Variants in NOVA1 observed in about 807,000 individuals in gnomAD.
NOVA1 encodes the protein NOVA alternative splicing regulator 1, also known as RNA-binding protein Nova-1.
NOVA1 carries 7 observed loss-of-function variants against 38.0 expected under a neutral mutation model. The ratio of observed to expected loss-of-function variants is 0.18; its 90% CI spans 0.10 to 0.35. NOVA1 has a LOEUF of 0.35. Among genes scored for constraint, NOVA1 ranks in the 10% least tolerant of loss-of-function variants. The pLI is 1.00. For synonymous variants in NOVA1, 270 were observed against 232.5 expected (o/e 1.16, Z -1.47); for missense variants, 460 against 616.0 (o/e 0.75, Z 2.68).
In NOVA1 at chr14:26,443,283, T is replaced by TA. The variant is rs1000076989; in HGVS notation, c.*4675dup. 2 of 151,956 alleles carry TA rather than the reference T, an allele frequency of 1.3e-5. No individual in the cohort carries two copies. The highest frequency in any genetic ancestry group is 4.8e-5 in the African/African-American group (2 of 41,424). The allele number at this position is 151,956 out of a possible 1,614,324, so 9.4% of individuals were successfully genotyped here. A position where few individuals can be genotyped will look rare whatever the true frequency, so the allele number is the denominator to read the frequency against. Reference sequence around the variant, plus strand: ...GACAATTGCCTTTCCATTGCAATTATAAAAAACTATTTAAAAAAAATTCGG... The same window carrying TA: ...GACAATTGCCTTTCCATTGCAATTATAAAAAAACTATTTAAAAAAAATTCGG... On this transcript the variant is annotated 3_prime_UTR_variant, in exon 5 of 5. Transcript: ENST00000539517.
At chr14:26,449,089 T>C in intron 4 of NOVA1, 126 bp from the exon 5 acceptor site, 1 of 903,712 alleles carries the variant, frequency 1.1e-6, no homozygotes. Flanking sequence ...AACAGAAATA[T>C]CACAACTTTA....
chr14:26,491,732 C>A (rs989235394), intron 2 of NOVA1, among the ~76,000 whole-genome samples: 3 of 152,094 alleles, frequency 2.0e-5, no homozygotes, highest in Non-Finnish European at 2.9e-5. Context: ...GAACTTGATA[C>A]CCTTGTCAAA....
At chr14:26,540,906 C>A (rs1477068766) in intron 2 of NOVA1, among the ~76,000 whole-genome samples, 2 of 152,106 alleles carry the variant, frequency 1.3e-5, no homozygotes, top group Admixed American at 6.5e-5. Context: ...AAAACTAGTA[C>A]ACAAACCTAT....
At chr14:26,470,808 A>G (rs1884528237) in intron 4 of NOVA1, among the ~76,000 whole-genome samples, 1 of 152,112 alleles carries the variant, frequency 6.6e-6, no homozygotes, top group South Asian at 2.1e-4. Context: ...TTACCTTGAG[A>G]AAAATCATTC....
chr14:26,574,264 T>TCC (rs1261196651), intron 2 of NOVA1, among the ~76,000 whole-genome samples: 48 of 60,080 alleles, frequency 8.0e-4, no homozygotes, highest in African/African-American at 3.1e-3. Context: ...GACCTCGTGA[T>TCC]CCACCCCCCC....
At chr14:26,485,342 C>T (rs955560338) in intron 2 of NOVA1, among the ~76,000 whole-genome samples, 4 of 151,678 alleles carry the variant, frequency 2.6e-5, no homozygotes, top group South Asian at 2.1e-4. Flanking sequence ...GATCATTCAA[C>T]GAACATAAAA....
At chr14:26,593,338 A>G (rs1396279954) in intron 2 of NOVA1, 1 of 151,892 alleles carries the variant, frequency 6.6e-6, no homozygotes, top group East Asian at 1.9e-4. Flanking sequence ...TGCGAAGAGA[A>G]AGACTATTAA....
intron 2 of NOVA1, among the ~76,000 whole-genome samples, chr14:26,573,071 T>TAA (rs1407467235): frequency 5.9e-5 from 9 of 152,096 alleles, no homozygotes; most frequent in Admixed American, 2.0e-4. Flanking sequence ...AATGTAACCC[T>TAA]AACATTTACG....
At chr14:26,554,954 A>G (rs1891391533) in intron 2 of NOVA1, among the ~76,000 whole-genome samples, 1 of 152,182 alleles carries the variant, frequency 6.6e-6, no homozygotes, top group African/African-American at 2.4e-5. Flanking sequence ...AAATAACATG[A>G]ATATGTTTCG....
chr14:26,570,557 ATGTG>A (rs1892408647), intron 2 of NOVA1, among the ~76,000 whole-genome samples: 2 of 145,482 alleles, frequency 1.4e-5, no homozygotes, highest in African/African-American at 5.6e-5. Context: ...ACATTTGTAT[ATGTG>A]TATGTGTATA....
intron 2 of NOVA1, among the ~76,000 whole-genome samples, chr14:26,501,450 G>C (rs1594413995): frequency 6.6e-6 from 1 of 151,916 alleles, no homozygotes; most frequent in Non-Finnish European, 1.5e-5. Flanking sequence ...TTAATAGCTG[G>C]TATACAGACA....
chr14:26,528,821 T>A (rs958698121), intron 2 of NOVA1, among the ~76,000 whole-genome samples: 1 of 152,216 alleles, frequency 6.6e-6, no homozygotes, highest in Non-Finnish European at 1.5e-5. Context: ...CTTCTAATAC[T>A]TAAGGAAAGA....
At chr14:26,512,495 T>C (rs994540061) in intron 2 of NOVA1, among the ~76,000 whole-genome samples, 7 of 152,186 alleles carry the variant, frequency 4.6e-5, no homozygotes, top group Non-Finnish European at 7.4e-5. Flanking sequence ...GCTTCAACAA[T>C]TGTAATATAA....
intron 2 of NOVA1, among the ~76,000 whole-genome samples, chr14:26,523,351 T>C (rs545186540): frequency 6.0e-4 from 92 of 152,340 alleles, no homozygotes; most frequent in Non-Finnish European, 1.3e-4. Flanking sequence ...CATAACACAA[T>C]ACTGTGCCAC....
At chr14:26,543,845 T>G (rs930899396) in intron 2 of NOVA1, among the ~76,000 whole-genome samples, 1 of 151,972 alleles carries the variant, frequency 6.6e-6, no homozygotes, top group South Asian at 2.1e-4. Context: ...TAGGCTACAG[T>G]TGGTAAGAAT....
At chr14:26,498,120 T>C (rs1405082146) in intron 2 of NOVA1, among the ~76,000 whole-genome samples, 2 of 152,032 alleles carry the variant, frequency 1.3e-5, no homozygotes, top group African/African-American at 4.8e-5. Context: ...AGTGTAGTGG[T>C]GCGATCTCAG....
At chr14:26,527,042 T>A (rs1006316603) in intron 2 of NOVA1, among the ~76,000 whole-genome samples, 18 of 152,222 alleles carry the variant, frequency 1.2e-4, no homozygotes, top group African/African-American at 4.1e-4. Flanking sequence ...TAAGGTAAAG[T>A]CCAATGAGGT....
intron 2 of NOVA1, among the ~76,000 whole-genome samples, chr14:26,559,021 T>C (rs553879964): frequency 3.3e-4 from 50 of 152,176 alleles, no homozygotes; most frequent in Non-Finnish European, 6.3e-4. Flanking sequence ...AGAAGATCAT[T>C]TTATATTAAC....
In NOVA1 at chr14:26,539,589, C is replaced by T. The variant is rs188298004; in HGVS notation, c.280+55821G>A. Among the ~76,000 whole-genome samples, 10 of 150,972 alleles carry T rather than the reference C, an allele frequency of 6.6e-5. No individual in the cohort carries two copies. In the East Asian group the frequency reaches 1.9e-3, roughly 29 times the overall value. On this transcript the variant is annotated intron_variant, in intron 2 of 4. Coordinates refer to ENST00000539517, the MANE Select transcript of NOVA1 (RefSeq NM_002515.3). Reference sequence around the variant, plus strand: ...TGATAGATGTAGATAAAGATATATACACATAGATACTAAAAGAAAAAGAGG... The same window carrying T: ...TGATAGATGTAGATAAAGATATATATACATAGATACTAAAAGAAAAAGAGG...
Sources: allele counts gnomAD v4.1 joint callset (sites outside exome capture counted in the v4.1 genomes callset), GRCh38; gene constraint gnomAD v4.1.1; transcripts MANE v1.5; gene names NCBI Gene and HGNC (gene_info 2026-07-23, HGNC 2026-07-21).